Variants in TMPRSS15 observed in about 807,000 individuals in gnomAD.
TMPRSS15 encodes enteropeptidase.
TMPRSS15 carries 128 observed loss-of-function variants against 125.3 expected under a neutral mutation model. That is an observed-to-expected ratio of 1.02 (90% CI 0.89 to 1.18). The LOEUF (loss-of-function observed/expected upper bound fraction) is 1.18, where lower values mean the gene tolerates loss of function less well. Among genes scored for constraint, TMPRSS15 ranks in the 50% most tolerant of loss-of-function variants. TMPRSS15 has a pLI of 0.00. For missense variants in TMPRSS15, 1,283 were observed against 1,212.7 expected (o/e 1.06, Z -0.86); for synonymous variants, 446 against 423.2 (o/e 1.05, Z -0.66).
At chr21:18,443,917 G>C (rs1314109314) in intron 1 of TMPRSS15, among the ~76,000 whole-genome samples, 1 of 152,180 alleles carries the variant, frequency 6.6e-6, no homozygotes, top group Non-Finnish European at 1.5e-5. Context: ...CAGCAAAGCA[G>C]GCAACTGAAC....
chr21:18,445,007 C>T (rs937700994), intron 1 of TMPRSS15, among the ~76,000 whole-genome samples: 2 of 152,034 alleles, frequency 1.3e-5, no homozygotes, highest in African/African-American at 4.8e-5. Flanking sequence ...CTTTTAGTGG[C>T]AAAAATGGTA....
chr21:18,363,980 G>T (rs1417252847), intron 7 of TMPRSS15, among the ~76,000 whole-genome samples: 1 of 151,986 alleles, frequency 6.6e-6, no homozygotes, highest in Non-Finnish European at 1.5e-5. Context: ...AAAATAAAGG[G>T]ATACTCTTCT....
At chr21:18,314,416 T>C (rs568234749) in intron 17 of TMPRSS15, among the ~76,000 whole-genome samples, 9 of 152,224 alleles carry the variant, frequency 5.9e-5, no homozygotes, top group Non-Finnish European at 1.0e-4. Flanking sequence ...GTAGCTGGGA[T>C]TACAGGCACC....
chr21:18,346,077 T>C (rs1401715862), intron 10 of TMPRSS15, among the ~76,000 whole-genome samples: 1 of 152,066 alleles, frequency 6.6e-6, no homozygotes, highest in Non-Finnish European at 1.5e-5. Flanking sequence ...GAATTGCATA[T>C]TATTGAATAT....
intron 16 of TMPRSS15, among the ~76,000 whole-genome samples, chr21:18,323,623 C>T (rs1227078170): frequency 6.6e-6 from 1 of 152,096 alleles, no homozygotes; most frequent in Non-Finnish European, 1.5e-5. Flanking sequence ...AATCTAATCC[C>T]TTATCTGTTA....
chr21:18,276,698 T>C (rs2074624839), intron 23 of TMPRSS15, among the ~76,000 whole-genome samples: 1 of 152,174 alleles, frequency 6.6e-6, no homozygotes, highest in South Asian at 2.1e-4. Context: ...AATATGTTCA[T>C]GGTTTTCCTA....
At chr21:18,450,899 CAG>C (rs1037696049) in intron 1 of TMPRSS15, among the ~76,000 whole-genome samples, 1 of 152,082 alleles carries the variant, frequency 6.6e-6, no homozygotes, top group Non-Finnish European at 1.5e-5. Context: ...ATAAGAAAGC[CAG>C]AGAGGCCTTC....
chr21:18,485,126 A>G (rs1037876766), intron 1 of TMPRSS15, among the ~76,000 whole-genome samples: 5 of 151,922 alleles, frequency 3.3e-5, no homozygotes, highest in African/African-American at 9.7e-5. Context: ...GCTATTATAA[A>G]GATTATCTTT....
intron 1 of TMPRSS15, among the ~76,000 whole-genome samples, chr21:18,418,150 C>A (rs1218808871): frequency 3.3e-5 from 5 of 152,178 alleles, no homozygotes; most frequent in Non-Finnish European, 5.9e-5. Context: ...CTGTCTCTTC[C>A]AAACAGGCTC....
intron 24 of TMPRSS15, among the ~76,000 whole-genome samples, chr21:18,272,746 T>A (rs1388777276): frequency 2.0e-5 from 3 of 151,968 alleles, no homozygotes; most frequent in African/African-American, 7.2e-5. Context: ...AAATAAATAA[T>A]AAATAAATAC....
chr21:18,313,819 A>T (rs1350653247), intron 17 of TMPRSS15, among the ~76,000 whole-genome samples: 5 of 151,934 alleles, frequency 3.3e-5, no homozygotes, highest in African/African-American at 1.2e-4. Context: ...AGTATATATA[A>T]GAGTATATAT....
intron 13 of TMPRSS15, among the ~76,000 whole-genome samples, chr21:18,341,179 A>C (rs960852336): frequency 1.6e-4 from 24 of 152,134 alleles, no homozygotes; most frequent in Admixed American, 1.6e-3. Flanking sequence ...CTCCTGCCTC[A>C]GCCTCTCCGG....
intron 3 of TMPRSS15, among the ~76,000 whole-genome samples, chr21:18,384,627 T>A (rs528739198): frequency 6.6e-6 from 1 of 152,334 alleles, no homozygotes. Context: ...CCATATGCTA[T>A]CATTTTAGGG....
intron 4 of TMPRSS15, among the ~76,000 whole-genome samples, chr21:18,380,169 A>T (rs112897950): frequency 0.029 from 3,627 of 123,034 alleles, 53 homozygotes; most frequent in Admixed American, 0.039. Flanking sequence ...TGGAGATGTC[A>T]CACACACACA....
intron 6 of TMPRSS15, among the ~76,000 whole-genome samples, chr21:18,365,643 T>TTTTACTTCCTTCC (rs1255982097): frequency 3.7e-5 from 1 of 26,776 alleles, no homozygotes; most frequent in African/African-American, 1.1e-4. Context: ...TCTCTCTCTT[T>TTTTACTTCCTTCC]TTCCTCCCTT....
At chr21:18,473,888 T>A in intron 1 of TMPRSS15, among the ~76,000 whole-genome samples, 1 of 152,266 alleles carries the variant, frequency 6.6e-6, no homozygotes. Context: ...ACTTTATTGA[T>A]ATAATTTACT....
At chr21:18,463,067 C>A (rs1978581376) in intron 1 of TMPRSS15, among the ~76,000 whole-genome samples, 1 of 151,522 alleles carries the variant, frequency 6.6e-6, no homozygotes. Context: ...ATTAATTTAA[C>A]AATATTAAAC....
intron 18 of TMPRSS15, among the ~76,000 whole-genome samples, chr21:18,308,569 A>G (rs568194150): frequency 6.6e-6 from 1 of 150,920 alleles, no homozygotes; most frequent in Non-Finnish European, 1.5e-5. Context: ...ACATATATGA[A>G]CAAAGATCTA....
chr21:18,440,182 G>A (rs2076237786), intron 1 of TMPRSS15, among the ~76,000 whole-genome samples: 1 of 151,530 alleles, frequency 6.6e-6, no homozygotes, highest in Admixed American at 6.6e-5. Flanking sequence ...AGACCATCCT[G>A]GCTAACACGG....
Sources: allele counts gnomAD v4.1 joint callset (sites outside exome capture counted in the v4.1 genomes callset), GRCh38; gene constraint gnomAD v4.1.1; transcripts MANE v1.5; gene names NCBI Gene and HGNC (gene_info 2026-07-23, HGNC 2026-07-21).